TBXA2R: variants seen among roughly 807,000 people sequenced by gnomAD.
TBXA2R encodes prostanoid TP receptor.
In TBXA2R, 15 loss-of-function variants were observed where a neutral mutation model predicts 15.6. The observed-to-expected ratio is 0.96, with a 90% CI of 0.64 to 1.48. TBXA2R has a LOEUF of 1.48. Ranked by LOEUF, TBXA2R falls within the 40% of genes most tolerant of loss-of-function variation. TBXA2R has a pLI of 0.00. For missense variants in TBXA2R, 506 were observed against 491.4 expected, an observed-to-expected ratio of 1.03 and a Z score of -0.28; for synonymous variants, 280 against 241.2, an observed-to-expected ratio of 1.16 and a Z score of -1.49.
chr19:3,605,514 GA>G (rs535431814), intron 1 of TBXA2R, among the ~76,000 whole-genome samples: 6 of 151,274 alleles, frequency 4.0e-5, no homozygotes, highest in Admixed American at 4.0e-4. Context: ...CACACAGGCA[GA>G]AATGTGACAG....
intron 1 of TBXA2R, 119 bp from the exon 2 acceptor site, chr19:3,600,836 T>TTG (rs1555706995): frequency 9.8e-6 from 6 of 614,974 alleles, no homozygotes; most frequent in Non-Finnish European, 1.7e-5. Flanking sequence ...GTTTTTTTTT[T>TTG]TTTTTTTTTT....
chr19:3,599,112 G>A (rs1044969520), intron 2 of TBXA2R, among the ~76,000 whole-genome samples: 3 of 152,010 alleles, frequency 2.0e-5, no homozygotes, highest in African/African-American at 4.8e-5. Flanking sequence ...CCACAGCCAC[G>A]CCTACTCATT....
In TBXA2R at chr19:3,596,229, C is replaced by G. The variant is rs370397476; in HGVS notation, c.787-296G>C. 4.6e-5 allele frequency among the ~76,000 whole-genome samples: 7 copies of G among 152,156 alleles called. 1 individual carries two copies. In the East Asian group the frequency reaches 9.7e-4, roughly 21 times the overall value. On this transcript the variant is annotated intron_variant, in intron 2 of 2. Coordinates refer to ENST00000375190, the MANE Select transcript of TBXA2R (RefSeq NM_001060.6). The stretch of plus-strand genomic sequence containing the variant: ...TTTTTCGTAGAGATGGGGGTTTCAC[C>G]ATGTTGGCCAGGCTGGTCTCGAACT...
At chr19:3,604,012 C>T (rs976239627) in intron 1 of TBXA2R, among the ~76,000 whole-genome samples, 4 of 152,150 alleles carry the variant, frequency 2.6e-5, no homozygotes, top group Non-Finnish European at 5.9e-5. Context: ...GATCGCTTTT[C>T]GATGTTGAAT....
Position 3,595,520 on chromosome 19 carries a change from AG to A in TBXA2R, c.*167del. The A allele has an allele frequency of 7.0e-7, 1 of 1,433,432 alleles. No individual in the cohort carries two copies. The highest frequency in any genetic ancestry group is 9.1e-7 in the Non-Finnish European group (1 of 1,097,142). The allele number at this position is 1,433,432 out of a possible 1,614,324, so 88.8% of individuals were successfully genotyped here. A position where few individuals can be genotyped will look rare whatever the true frequency, so the allele number is the denominator to read the frequency against. On this transcript the variant is annotated 3_prime_UTR_variant, in exon 3 of 3. Transcript: ENST00000375190. ...AGAGTGCTTGGTAAAAGGATCAGGG[AG>A]GAGTTGGGGGTCCCCGGGTTGGATT...
intron 2 of TBXA2R, among the ~76,000 whole-genome samples, chr19:3,599,153 T>G (rs1177967384): frequency 6.6e-6 from 1 of 151,836 alleles, no homozygotes; most frequent in Non-Finnish European, 1.5e-5. Flanking sequence ...TTTCTATTTT[T>G]TTTCTTTTTT....
chr19:3,594,729 G>A lies in TBXA2R; in HGVS notation c.*959C>T. The A allele has an allele frequency of 2.1e-6, 2 of 965,920 alleles. No individual in the cohort carries two copies. Among genetic ancestry groups the A allele is most frequent in the Non-Finnish European group, 3.0e-6 (2 of 663,596 alleles). 59.8% of individuals were successfully genotyped at this position (965,920 alleles called of 1,614,324 possible). On this transcript the variant is annotated 3_prime_UTR_variant, in exon 3 of 3. Transcript: ENST00000375190. ...CCCTGCCCTCGTCTGCTCCGGGTGA[G>A]GCCCAATGCACAAACTCCAGAGATT...
chr19:3,596,284 C>A (rs911015619), intron 2 of TBXA2R, among the ~76,000 whole-genome samples: 3 of 152,172 alleles, frequency 2.0e-5, no homozygotes, highest in African/African-American at 7.2e-5. Context: ...CCAGCCTCAG[C>A]CTCCCAGAGT....
chr19:3,595,152 G>C lies in TBXA2R; in HGVS notation c.*536C>G, dbSNP rs2032572223. 2 of 632,142 alleles carry C rather than the reference G, an allele frequency of 3.2e-6. No homozygotes were observed. Among genetic ancestry groups the C allele is most frequent in the Non-Finnish European group, 5.3e-6 (2 of 379,916 alleles). 39.2% of individuals were successfully genotyped at this position (632,142 alleles called of 1,614,324 possible). On this transcript the variant is annotated 3_prime_UTR_variant, in exon 3 of 3. Transcript: ENST00000375190. The stretch of plus-strand genomic sequence containing the variant: ...CCAGCACTTTGGGAGGCTGAGGCTG[G>C]TGAATCACCTGAGGTCAGGAGTTCA...
chr19:3,600,278 C>T lies in TBXA2R; in HGVS notation c.357G>A (p.Pro119=), dbSNP rs1284507213. 2.5e-6 allele frequency: 4 copies of T among 1,612,374 alleles called. No individual in the cohort carries two copies. The highest frequency in any genetic ancestry group is 3.3e-5 in the Admixed American group (2 of 59,982). Residue 119 remains proline (P), a synonymous_variant, in exon 2 of 3, where the codon CCG becomes CCA. Coordinates refer to ENST00000375190, the MANE Select transcript of TBXA2R (RefSeq NM_001060.6). ...GVVMIFFGLS[P]LLLGAAMASE... is the part of the protein sequence containing the mutation. ...AGGCCATGGCGGCCCCCAGCAGCAG[C>T]GGGGACAGGCCGAAGAAGATCATGA...
rs1186822491 is a variant in TBXA2R at position 3,595,679 on chromosome 19, G to C, written c.*9C>G. On this transcript the variant is annotated 3_prime_UTR_variant, in exon 3 of 3. Coordinates refer to ENST00000375190, the MANE Select transcript of TBXA2R (RefSeq NM_001060.6). Reference sequence around the variant, plus strand: ...CGGAAAGGCGCGGGAGGGGCGCTCTGTCCACTTCCTACTGCAGCCCGGAGC... The same window carrying C: ...CGGAAAGGCGCGGGAGGGGCGCTCTCTCCACTTCCTACTGCAGCCCGGAGC... The C allele has an allele frequency of 6.3e-7, 1 of 1,576,582 alleles. No individual in the cohort carries two copies. The highest frequency in any genetic ancestry group is 1.9e-5 in the Admixed American group (1 of 53,246).
At chr19:3,605,007 C>T in intron 1 of TBXA2R, among the ~76,000 whole-genome samples, 1 of 152,342 alleles carries the variant, frequency 6.6e-6, no homozygotes, top group South Asian at 2.1e-4. Context: ...GCCCACCTCC[C>T]CTCATCGCAA....
intron 1 of TBXA2R, among the ~76,000 whole-genome samples, chr19:3,605,754 GACAC>G (rs1490814146): frequency 6.6e-6 from 1 of 150,906 alleles, no homozygotes; most frequent in Non-Finnish European, 1.5e-5. Context: ...CATACAGATA[GACAC>G]ACACAGATGG....
At chr19:3,604,844 CCT>C (rs2032800929) in intron 1 of TBXA2R, among the ~76,000 whole-genome samples, 1 of 152,196 alleles carries the variant, frequency 6.6e-6, no homozygotes, top group Non-Finnish European at 1.5e-5. Flanking sequence ...CCGTGTCACC[CCT>C]GTCGGCCTTG....
In TBXA2R at chr19:3,595,709, C is replaced by A. The variant is rs899880723; in HGVS notation, c.1011G>T (p.Thr337=). The A allele has an allele frequency of 2.5e-6, 4 of 1,594,358 alleles. No homozygotes were observed. Among genetic ancestry groups the A allele is most frequent in the Non-Finnish European group, 3.4e-6 (4 of 1,171,410 alleles). ...CTTCCTACTGCAGCCCGGAGCGCTG[C>A]GTGAGCTGGGGCTGGAGGGACAGCG... ...PRSLSLQPQL[T]QRSGLQ Residue 337 remains threonine (T), a synonymous_variant, in exon 3 of 3, where the codon ACG becomes ACT. Coordinates refer to ENST00000375190, the MANE Select transcript of TBXA2R (RefSeq NM_001060.6).
At position 3,600,697 on chromosome 19, in the gene TBXA2R, C is replaced by G; in HGVS notation, c.-63G>C. On this transcript the variant is annotated 5_prime_UTR_variant, in exon 2 of 3. Coordinates refer to ENST00000375190, the MANE Select transcript of TBXA2R (RefSeq NM_001060.6). ...AGGCCGATGCTGCAGACAGGGCAGGCTGGCACTGGTTCAGGCACACCTGGG... is the reference window on the plus strand; with the variant it reads ...AGGCCGATGCTGCAGACAGGGCAGGGTGGCACTGGTTCAGGCACACCTGGG... 1 of 1,577,476 alleles carries G rather than the reference C, an allele frequency of 6.3e-7. No individual in the cohort carries two copies. Among genetic ancestry groups the G allele is most frequent in the Non-Finnish European group, 8.6e-7 (1 of 1,157,838 alleles).
rs763785959 is a variant in TBXA2R at position 3,600,527 on chromosome 19, C to G, written c.108G>C (p.Val36=). 6.2e-7 allele frequency: 1 copy of G among 1,612,280 alleles called. No individual in the cohort carries two copies. The highest frequency in any genetic ancestry group is 8.5e-7 in the Non-Finnish European group (1 of 1,179,284). ...CCAGCAGGTTGGAGGCCAGGCCCAC[C>G]ACGCAGAAGGAGGCGGCGAACCAGG... The part of the protein sequence containing the change: ...ASPWFAASFC[V]VGLASNLLAL... Residue 36 remains valine, a synonymous_variant, in exon 2 of 3, where the codon GTG becomes GTC. Coordinates refer to ENST00000375190, the MANE Select transcript of TBXA2R (RefSeq NM_001060.6).
intron 1 of TBXA2R, among the ~76,000 whole-genome samples, chr19:3,601,122 G>A (rs1279672774): frequency 6.6e-6 from 1 of 151,854 alleles, no homozygotes; most frequent in African/African-American, 2.4e-5. Flanking sequence ...TCTATTTTGG[G>A]AACAAAAAAC....
chr19:3,601,627 G>A (rs1295785664), intron 1 of TBXA2R, among the ~76,000 whole-genome samples: 1 of 151,664 alleles, frequency 6.6e-6, no homozygotes, highest in Non-Finnish European at 1.5e-5. Context: ...AAATGAGATG[G>A]TTCAAAAACC....
Sources: gnomAD v4.1 joint callset for allele counts (sites outside exome capture counted in the v4.1 genomes callset) on GRCh38, gnomAD v4.1.1 for gene constraint, MANE v1.5 for transcripts, NCBI Gene and HGNC (gene_info 2026-07-23, HGNC 2026-07-21) for gene names.